The following PC variants were observed in gnomAD, a reference collection of about 807,000 sequenced individuals.
PC encodes the protein pyruvate carboxylase, mitochondrial.
In PC, 46 loss-of-function variants were observed where a neutral mutation model predicts 107.8. The observed-to-expected ratio is 0.43, with a 90% CI of 0.34 to 0.55. The LOEUF is 0.55. PC is among the 20% of genes least tolerant of loss of function. The pLI, the probability that PC is intolerant of heterozygous loss-of-function variation, is 0.04. For missense variants in PC, 1,241 were observed against 1,643.1 expected (o/e 0.76, Z 4.23); for synonymous variants, 662 against 684.7 (o/e 0.97, Z 0.52).
chr11:66,855,040 C>G lies in PC; in HGVS notation c.1369-1657G>C, dbSNP rs970914649. Among the ~76,000 whole-genome samples, 3 of 152,264 alleles carry G rather than the reference C, an allele frequency of 2.0e-5. No homozygotes were observed. In the South Asian group the frequency reaches 6.2e-4, roughly 31 times the overall value. ...GCTGATGCTCACCTTTCCAGCAGGC[C>G]GCTGAGGAACCTGCACGGGCAGGGC... On this transcript the variant is annotated intron_variant, in intron 12 of 22. Transcript: ENST00000393960.
intron 12 of PC, among the ~76,000 whole-genome samples, chr11:66,861,571 A>G (rs1591163973): frequency 6.9e-6 from 1 of 145,570 alleles, no homozygotes; most frequent in East Asian, 2.2e-4. Context: ...GTTTAGATGA[A>G]TGGGAGCAAG....
chr11:66,874,788 C>T (rs1946910029), intron 3 of PC, among the ~76,000 whole-genome samples: 1 of 152,122 alleles, frequency 6.6e-6, no homozygotes, highest in South Asian at 2.1e-4. Context: ...CATTTCAGAT[C>T]ACAAGTGCCT....
chr11:66,858,386 C>G lies in PC; in HGVS notation c.1369-5003G>C. 1 of 1,569,512 alleles carries G rather than the reference C, an allele frequency of 6.4e-7. No individual in the cohort carries two copies. Among genetic ancestry groups the G allele is most frequent in the South Asian group, 1.1e-5 (1 of 87,500 alleles). On this transcript the variant is annotated intron_variant, in intron 12 of 22. Coordinates refer to ENST00000393960, the MANE Select transcript of PC (RefSeq NM_001040716.2). The surrounding 1 kb of genome is among the most constrained non-coding windows in gnomAD (Gnocchi z 5.9). ...CCACGCTGGCTCCGGACCCGCTTTT[C>G]TCTCGTGGGCGTGATGCAGAGGCCT...
At chr11:66,941,935 T>C in intron 3 of PC, among the ~76,000 whole-genome samples, 1 of 151,918 alleles carries the variant, frequency 6.6e-6, no homozygotes, top group East Asian at 1.9e-4. Flanking sequence ...AAACCCCGTC[T>C]CTAATAAAAA....
At chr11:66,902,697 G>A (rs1251520779) in intron 3 of PC, among the ~76,000 whole-genome samples, 1 of 152,118 alleles carries the variant, frequency 6.6e-6, no homozygotes, top group Non-Finnish European at 1.5e-5. Flanking sequence ...TCCCGGGCCT[G>A]TGATCACACC....
intron 3 of PC, among the ~76,000 whole-genome samples, chr11:66,909,536 C>G (rs1565280498): frequency 6.6e-6 from 1 of 152,168 alleles, no homozygotes; most frequent in East Asian, 1.9e-4. Flanking sequence ...TGGATTGGAC[C>G]AAAAATGTCA....
intron 3 of PC, among the ~76,000 whole-genome samples, chr11:66,875,903 C>T (rs1383396484): frequency 6.6e-6 from 1 of 152,196 alleles, no homozygotes; most frequent in Non-Finnish European, 1.5e-5. Flanking sequence ...GGATACCACA[C>T]ACCTCCTGAT....
intron 3 of PC, among the ~76,000 whole-genome samples, chr11:66,882,996 A>G (rs1339236134): frequency 6.6e-6 from 1 of 152,184 alleles, no homozygotes; most frequent in African/African-American, 2.4e-5. Context: ...AGACAATACC[A>G]AAGACGGAAA....
Position 66,849,160 on chromosome 11 carries a change from G to C in PC, c.3289-13C>G, listed in dbSNP as rs1429712142. 3 of 1,613,824 alleles carry C rather than the reference G, an allele frequency of 1.9e-6. No individual in the cohort carries two copies. Among genetic ancestry groups the C allele is most frequent in the Middle Eastern group, 1.6e-4 (1 of 6,062 alleles). On this transcript the variant is annotated splice_polypyrimidine_tract_variant and intron_variant, in intron 22 of 22. Coordinates refer to ENST00000393960, the MANE Select transcript of PC (RefSeq NM_001040716.2). The stretch of plus-strand genomic sequence containing the variant: ...GGAAGTGCATCTCCTGAAGACACAG[G>C]GCAGAGGGGACATGACATCCTGGGC...
chr11:66,923,850 G>C lies in PC; in HGVS notation c.-1+28580C>G, dbSNP rs533974366. Among the ~76,000 whole-genome samples the C allele has an allele frequency of 2.2e-3, 268 of 120,214 alleles. 1 individual carries two copies. Among genetic ancestry groups the C allele is most frequent in the African/African-American group, 8.2e-3 (260 of 31,628 alleles). 78.9% of individuals were successfully genotyped at this position (120,214 alleles called of 152,430 possible). A position where few individuals can be genotyped will look rare whatever the true frequency, so the allele number is the denominator to read the frequency against. The stretch of plus-strand genomic sequence containing the variant: ...AAAGGGTTTAAAAGGTCACAGAAAA[G>C]CACATAGCTTCAGAATGTCACAAGA... On this transcript the variant is annotated intron_variant, in intron 3 of 22. Transcript: ENST00000393960.
intron 3 of PC, among the ~76,000 whole-genome samples, chr11:66,878,308 AC>A (rs938085767): frequency 3.3e-5 from 5 of 151,996 alleles, no homozygotes; most frequent in African/African-American, 4.8e-5. Flanking sequence ...AGGGGCACTT[AC>A]CCGTGGTTTG....
At chr11:66,864,498 G>C (rs1303062803) in intron 11 of PC, among the ~76,000 whole-genome samples, 1 of 152,266 alleles carries the variant, frequency 6.6e-6, no homozygotes. Context: ...TTTTAACAGG[G>C]TGGTGGGGAA....
Position 66,953,080 on chromosome 11 carries a change from G to C in PC, c.-39-612C>G, listed in dbSNP as rs531089448. Among the ~76,000 whole-genome samples the C allele has an allele frequency of 5.2e-5, 8 of 152,390 alleles. No individual in the cohort carries two copies. The South Asian group carries it at 1.7e-3, about 32-fold the overall frequency. On this transcript the variant is annotated intron_variant, in intron 2 of 22. Transcript: ENST00000393960. Reference sequence around the variant, plus strand: ...CAGCAGTGGCACCATGCCTGGCACAGAGGACACACTGGGACGTTAACCGAC... The same window carrying C: ...CAGCAGTGGCACCATGCCTGGCACACAGGACACACTGGGACGTTAACCGAC...
intron 3 of PC, among the ~76,000 whole-genome samples, chr11:66,916,919 A>C (rs944786424): frequency 6.6e-6 from 1 of 151,708 alleles, no homozygotes; most frequent in African/African-American, 2.4e-5. Flanking sequence ...GTGCCACTGC[A>C]CTCCAGCCTG....
At chr11:66,912,811 C>T (rs1359533625) in intron 3 of PC, among the ~76,000 whole-genome samples, 1 of 152,292 alleles carries the variant, frequency 6.6e-6, no homozygotes, top group Non-Finnish European at 1.5e-5. Context: ...GCCCAGCTGC[C>T]CCCAGCCTCA....
chr11:66,871,337 G>C lies in PC; in HGVS notation c.465C>G (p.Ala155=), dbSNP rs1336829179. The C allele has an allele frequency of 6.2e-7, 1 of 1,613,952 alleles. No homozygotes were observed. Among genetic ancestry groups the C allele is most frequent in the East Asian group, 2.2e-5 (1 of 44,878 alleles). Residue 155 remains alanine, a synonymous_variant, in exon 6 of 23, where the codon GCC becomes GCG. Transcript: ENST00000393960. The surrounding 1 kb of genome is among the most constrained non-coding windows in gnomAD (Gnocchi z 7.4). ...CACCCGCAGCAATGGCGATGGCCCG[G>C]GCCTCCACCTTGTCTCCCATCTTGC... ...VVRKMGDKVE[A]RAIAIAAGVP...
Position 66,851,065 on chromosome 11 carries a change from G to C in PC, c.2198C>G (p.Ala733Gly). 1 of 1,613,068 alleles carries C rather than the reference G, an allele frequency of 6.2e-7. No homozygotes were observed. Among genetic ancestry groups the C allele is most frequent in the South Asian group, 1.1e-5 (1 of 91,088 alleles). The change falls in exon 17 of 23, where the codon GCT (alanine) becomes GGT (glycine). Residue 733 changes from alanine to glycine, a missense_variant. Transcript: ENST00000393960. The stretch of plus-strand genomic sequence containing the variant: ...CTTGATGCACAGGATGTGGGTGCCA[G>C]CTCGCACCAGCTCTTCGGCCAAGCC... ...YMGLAEELVR[A>G]GTHILCIKDM...
chr11:66,914,375 G>A (rs1948416539), intron 3 of PC, among the ~76,000 whole-genome samples: 1 of 152,080 alleles, frequency 6.6e-6, no homozygotes, highest in African/African-American at 2.4e-5. Context: ...AGCTGGGCGT[G>A]GTGGCAGGCA....
chr11:66,938,713 T>C (rs1949055741), intron 3 of PC, among the ~76,000 whole-genome samples: 1 of 152,186 alleles, frequency 6.6e-6, no homozygotes, highest in South Asian at 2.1e-4. Context: ...TTTTATAATA[T>C]ATATTTTTTG....
Sources: allele counts gnomAD v4.1 joint callset (sites outside exome capture counted in the v4.1 genomes callset), GRCh38; gene constraint gnomAD v4.1.1; non-coding constraint Gnocchi (gnomAD v3.1); transcripts MANE v1.5; gene names NCBI Gene and HGNC (gene_info 2026-07-23, HGNC 2026-07-21).